LTV1: variants seen among roughly 807,000 people sequenced by gnomAD.
LTV1 encodes the protein protein LTV1 homolog.
Under a neutral mutation model 59.9 loss-of-function variants are expected in LTV1, and 39 were observed. The observed-to-expected ratio is 0.65, with a 90% CI of 0.50 to 0.85. The LOEUF (loss-of-function observed/expected upper bound fraction) is 0.85, where lower values mean the gene tolerates loss of function less well. Ranked by LOEUF, LTV1 falls within the 40% of genes least tolerant of loss-of-function variation. The probability of loss-of-function intolerance (pLI) is 0.00; values close to 1 mark genes in which losing one functional copy is unlikely to be tolerated. For missense variants in LTV1, 493 were observed against 549.1 expected (o/e 0.90, Z 1.02); for synonymous variants, 171 against 189.5 (o/e 0.90, Z 0.80).
intron 3 of LTV1, 70 bp from the exon 4 acceptor site, chr6:143,850,061 C>A: frequency 1.6e-6 from 2 of 1,241,300 alleles, no homozygotes; most frequent in Non-Finnish European, 2.4e-6. Context: ...TTGGGGGGGA[C>A]TTCAACCCGG....
At chr6:143,849,122 G>A (rs1407289516) in intron 3 of LTV1, among the ~76,000 whole-genome samples, 2 of 152,174 alleles carry the variant, frequency 1.3e-5, no homozygotes, top group Middle Eastern at 3.2e-3. Flanking sequence ...CTCGCCATGG[G>A]TATGAAGGTT....
intron 2 of LTV1, 44 bp downstream of exon 2, chr6:143,844,661 G>T: frequency 1.6e-5 from 22 of 1,358,090 alleles, no homozygotes; most frequent in East Asian, 2.6e-5. Context: ...GTAGACAATA[G>T]TTTTTTTTTT....
rs1777215088 is a variant in LTV1 at position 143,863,693 on chromosome 6, C to T, written c.*166C>T. 2.1e-6 allele frequency: 1 copy of T among 476,474 alleles called. No homozygotes were observed. Among genetic ancestry groups the T allele is most frequent in the Non-Finnish European group, 3.8e-6 (1 of 263,098 alleles). The allele number at this position is 476,474 out of a possible 1,614,324, so 29.5% of individuals were successfully genotyped here. A position where few individuals can be genotyped will look rare whatever the true frequency, so the allele number is the denominator to read the frequency against. On this transcript the variant is annotated 3_prime_UTR_variant, in exon 11 of 11. Coordinates refer to ENST00000367576, the MANE Select transcript of LTV1 (RefSeq NM_032860.5). The surrounding 1 kb of genome is among the most constrained non-coding windows in gnomAD (Gnocchi z 4.5). ...CTAGTAAGTGTCCCCTGCCAACCAT[C>T]TTGTAAATATTGTAATACTTTAATT...
At chr6:143,845,956 C>A in intron 2 of LTV1, 95 bp from the exon 3 acceptor site, 1 of 1,183,984 alleles carries the variant, frequency 8.4e-7, no homozygotes, top group Non-Finnish European at 1.2e-6. Context: ...AAGCTGTACT[C>A]ATTGTAATAT....
At chr6:143,859,263 A>G (rs1777125215) in intron 6 of LTV1, among the ~76,000 whole-genome samples, 2 of 152,222 alleles carry the variant, frequency 1.3e-5, no homozygotes, top group Admixed American at 6.5e-5. Context: ...TCCAGGGTTT[A>G]TAATCCCAAC....
At chr6:143,860,606 A>G in intron 7 of LTV1, 53 bp downstream of exon 7, 1 of 1,525,872 alleles carries the variant, frequency 6.6e-7, no homozygotes. Context: ...AAAAAAGAAA[A>G]AATTCCAAAG....
rs117141365 is a variant in LTV1 at position 143,855,790 on chromosome 6, T to C, written c.398-1513T>C. On this transcript the variant is annotated intron_variant, in intron 4 of 10. Coordinates refer to ENST00000367576, the MANE Select transcript of LTV1 (RefSeq NM_032860.5). This position sits in a 1 kb window ranked among gnomAD's most constrained non-coding sequence, Gnocchi z 4.6. ...TTGGCCCCCACTTTCTTCTGACTTG[T>C]ACGGTTTCTGCTGAGAGATCCACTG... Among the ~76,000 whole-genome samples the C allele has an allele frequency of 0.027, 4,141 of 152,374 alleles. 106 individuals carry two copies. Among genetic ancestry groups the C allele is most frequent in the Admixed American group, 0.072 (1,096 of 15,308 alleles).
chr6:143,859,685 A>G (rs1319637424), intron 6 of LTV1, among the ~76,000 whole-genome samples: 1 of 152,232 alleles, frequency 6.6e-6, no homozygotes, highest in Non-Finnish European at 1.5e-5. Flanking sequence ...CTCTTTGTCA[A>G]AGCTTAACAG....
At position 143,857,575 on chromosome 6, in the gene LTV1, G is replaced by A; in HGVS notation, c.539+131G>A. 1 of 1,101,686 alleles carries A rather than the reference G, an allele frequency of 9.1e-7. No individual in the cohort carries two copies. The highest frequency in any genetic ancestry group is 1.3e-6 in the Non-Finnish European group (1 of 750,508). 68.2% of individuals were successfully genotyped at this position (1,101,686 alleles called of 1,614,324 possible). ...TAATCTGAGACTTCTGTATTTTAGA[G>A]CAGAAAATGTGAGATTCATTGCTTT... On this transcript the variant is annotated intron_variant, in intron 5 of 10. Coordinates refer to ENST00000367576, the MANE Select transcript of LTV1 (RefSeq NM_032860.5). The surrounding 1 kb of genome is among the most constrained non-coding windows in gnomAD (Gnocchi z 5.2).
chr6:143,863,550 G>A lies in LTV1; in HGVS notation c.*23G>A, dbSNP rs1562334097. 7 of 1,518,324 alleles carry A rather than the reference G, an allele frequency of 4.6e-6. No homozygotes were observed. Among genetic ancestry groups the A allele is most frequent in the East Asian group, 2.3e-5 (1 of 44,192 alleles). 94.1% of individuals were successfully genotyped at this position (1,518,324 alleles called of 1,614,324 possible). ...TAGACAGTGGAGCATACAGGGCAAG[G>A]CACTTTATTAGGGGCTCCTCATCTT... On this transcript the variant is annotated 3_prime_UTR_variant, in exon 11 of 11. Transcript: ENST00000367576. This position sits in a 1 kb window ranked among gnomAD's most constrained non-coding sequence, Gnocchi z 4.5.
rs1776960766 is a variant in LTV1, at chr6:143,850,217, A to G, written c.396A>G (p.Ser132=). 1 of 1,610,598 alleles carries G rather than the reference A, an allele frequency of 6.2e-7. No homozygotes were observed. The highest frequency in any genetic ancestry group is 1.3e-5 in the African/African-American group (1 of 74,952). The change falls in exon 4 of 11, where the codon TCA becomes TCG. Residue 132 remains serine (S), a splice_region_variant and synonymous_variant. Transcript: ENST00000367576. ...TGTTAAATAAAGCAGCTCCAGTTTC[A>G]GGTATTTTTAATTGCTTTATCTTTT... is the stretch of plus-strand genomic sequence containing the variant. ...VGLLNKAAPV[S]GPRLDFDPDI...
In LTV1 at chr6:143,862,542, T is replaced by C. The variant is rs1054915255; in HGVS notation, c.1063+299T>C. On this transcript the variant is annotated intron_variant, in intron 8 of 10. Coordinates refer to ENST00000367576, the MANE Select transcript of LTV1 (RefSeq NM_032860.5). The surrounding 1 kb of genome is among the most constrained non-coding windows in gnomAD (Gnocchi z 4.2). ...CAGAGGTTGCAATGAGCCGAGATCA[T>C]GCCATTGCACTCCAACCTGGGCAAC... Among the ~76,000 whole-genome samples the C allele has an allele frequency of 6.6e-5, 10 of 152,052 alleles. No homozygotes were observed. The highest frequency in any genetic ancestry group is 1.5e-4 in the Non-Finnish European group (10 of 67,990).
chr6:143,862,897 G>T lies in LTV1; in HGVS notation c.1116+1G>T. 6.3e-7 allele frequency: 1 copy of T among 1,592,956 alleles called. No individual in the cohort carries two copies. ...ACAGCTTATCAAGTATCAACCAAAGGTAAGTCCTAGTGTGCTGAGCTATTT... is the reference window on the plus strand; with the variant it reads ...ACAGCTTATCAAGTATCAACCAAAGTTAAGTCCTAGTGTGCTGAGCTATTT... On this transcript the variant is annotated splice_donor_variant, in intron 9 of 10. Transcript: ENST00000367576. LOFTEE classifies it high-confidence loss of function. This position sits in a 1 kb window ranked among gnomAD's most constrained non-coding sequence, Gnocchi z 4.2.
chr6:143,845,802 C>G (rs1372033160), intron 2 of LTV1, among the ~76,000 whole-genome samples: 1 of 152,178 alleles, frequency 6.6e-6, no homozygotes, highest in Admixed American at 6.5e-5. Flanking sequence ...TTTTATTGCC[C>G]TTTTAAAAGC....
At position 143,857,358 on chromosome 6, in the gene LTV1, C is replaced by T; in HGVS notation, c.453C>T (p.Asp151=). Residue 151 remains aspartate (D), a synonymous_variant, in exon 5 of 11, where the codon GAC becomes GAT. Coordinates refer to ENST00000367576, the MANE Select transcript of LTV1 (RefSeq NM_032860.5). This position sits in a 1 kb window ranked among gnomAD's most constrained non-coding sequence, Gnocchi z 5.2. ...DIVAALDDDF[D]FDDPDNLLED... ...TTGCAGCTCTTGATGATGATTTTGA[C>T]TTTGATGATCCAGATAATCTGCTTG... 1 of 1,614,062 alleles carries T rather than the reference C, an allele frequency of 6.2e-7. No homozygotes were observed.
chr6:143,852,928 A>T (rs948052445), intron 4 of LTV1, among the ~76,000 whole-genome samples: 2 of 152,090 alleles, frequency 1.3e-5, no homozygotes, highest in Admixed American at 6.5e-5. Context: ...ATTGGTCTAT[A>T]TATCTGTTTT....
At position 143,863,421 on chromosome 6, in the gene LTV1, G is replaced by A. The variant is rs139862348; in HGVS notation, c.1322G>A (p.Arg441Gln). Reference sequence around the variant, plus strand: ...ATATTCTTGTACTTATAACAGGAACGAAGAGTGGAGAAGAAAGCTAACAAA... The same window carrying A: ...ATATTCTTGTACTTATAACAGGAACAAAGAGTGGAGAAGAAAGCTAACAAA... ...KQAIKEERKERRVEKKANKLA... is the reference protein window; with the variant it reads ...KQAIKEERKEQRVEKKANKLA... The change falls in exon 11 of 11, where the codon CGA (arginine) becomes CAA (glutamine). Residue 441 changes from arginine to glutamine, a missense_variant. By Grantham distance (43) the Arg-to-Gln change is conservative. Transcript: ENST00000367576. The surrounding 1 kb of genome is among the most constrained non-coding windows in gnomAD (Gnocchi z 4.5). 20 of 1,612,366 alleles carry A rather than the reference G, an allele frequency of 1.2e-5. No homozygotes were observed. Among genetic ancestry groups the A allele is most frequent in the African/African-American group, 1.1e-4 (8 of 74,952 alleles).
chr6:143,852,411 A>G (rs532450901), intron 4 of LTV1, among the ~76,000 whole-genome samples: 12 of 152,164 alleles, frequency 7.9e-5, no homozygotes, highest in African/African-American at 2.4e-4. Flanking sequence ...CCACTTTTCA[A>G]TGGGGTTGTT....
intron 7 of LTV1, among the ~76,000 whole-genome samples, chr6:143,861,529 T>C (rs1044396104): frequency 4.6e-5 from 7 of 152,196 alleles, no homozygotes; most frequent in African/African-American, 1.7e-4. Flanking sequence ...AGCATACGCT[T>C]TTTTCATCTT....
Sources: gnomAD v4.1 joint callset for allele counts (sites outside exome capture counted in the v4.1 genomes callset) on GRCh38, gnomAD v4.1.1 for gene constraint, Gnocchi (gnomAD v3.1) non-coding constraint, MANE v1.5 for transcripts, NCBI Gene and HGNC (gene_info 2026-07-23, HGNC 2026-07-21) for gene names.